The following PNPLA1 variants were observed in gnomAD, a reference collection of about 807,000 sequenced individuals.
PNPLA1 encodes omega-hydroxyceramide transacylase.
In PNPLA1, 36 loss-of-function variants were observed where a neutral mutation model predicts 51.7. The ratio of observed to expected loss-of-function variants is 0.70; its 90% confidence interval spans 0.53 to 0.92. PNPLA1 has a LOEUF of 0.92. Ranked by LOEUF, PNPLA1 falls within the 40% of genes least tolerant of loss-of-function variation. PNPLA1 has a pLI of 0.00. For missense variants in PNPLA1, 658 were observed against 682.5 expected (o/e 0.96, Z 0.40); for synonymous variants, 293 against 280.1 (o/e 1.05, Z -0.46).
intron 5 of PNPLA1, among the ~76,000 whole-genome samples, chr6:36,300,691 C>T (rs181345408): frequency 1.1e-3 from 175 of 152,258 alleles, no homozygotes; most frequent in Admixed American, 2.0e-3. Context: ...TGACCATGAC[C>T]GCCTGGCCGA....
At chr6:36,304,810 T>G (rs185210610) in intron 6 of PNPLA1, among the ~76,000 whole-genome samples, 358 of 151,922 alleles carry the variant, frequency 2.4e-3, no homozygotes, top group Non-Finnish European at 2.9e-3. Flanking sequence ...ATATCGGGGG[T>G]GGATAGAGGG....
At chr6:36,278,453 T>A (rs749070915) in intron 1 of PNPLA1, among the ~76,000 whole-genome samples, 1 of 152,184 alleles carries the variant, frequency 6.6e-6, no homozygotes, top group Non-Finnish European at 1.5e-5. Flanking sequence ...GCTCCCTCAT[T>A]TTGCAGATAA....
chr6:36,303,672 A>C (rs1173274796), intron 6 of PNPLA1, among the ~76,000 whole-genome samples: 2 of 152,156 alleles, frequency 1.3e-5, no homozygotes, highest in Non-Finnish European at 2.9e-5. Context: ...TCTCTACTAA[A>C]TACAAAAAAA....
chr6:36,302,109 C>T lies in PNPLA1; in HGVS notation c.1024C>T (p.Pro342Ser), dbSNP rs138035213. The stretch of plus-strand genomic sequence containing the variant: ...GACACTTGAATTCACATGCGAGTCA[C>T]CTGTTTCAGCACCAGTCTCTCCACT... ...VQTLEFTCESPVSAPVSPLEQ... is the reference protein window; with the variant it reads ...VQTLEFTCESSVSAPVSPLEQ... Residue 342 changes from proline (P) to serine (S), a missense_variant, in exon 6 of 9, where the codon CCT becomes TCT. Coordinates refer to ENST00000636260, the MANE Select transcript of PNPLA1 (RefSeq NM_001374623.1). The T allele has an allele frequency of 6.2e-7, 1 of 1,614,120 alleles. No individual in the cohort carries two copies. The highest frequency in any genetic ancestry group is 8.5e-7 in the Non-Finnish European group (1 of 1,180,050).
Position 36,294,299 on chromosome 6 carries a change from C to G in PNPLA1, c.614C>G (p.Pro205Arg), listed in dbSNP as rs766215523. ...GQQDICPRDC[P>R]AIFHDFRMFN... Reference sequence around the variant, plus strand: ...CAGGACATCTGTCCCCGGGACTGCCCGGCCATCTTCCACGACTTCCGCATG... The same window carrying G: ...CAGGACATCTGTCCCCGGGACTGCCGGGCCATCTTCCACGACTTCCGCATG... Residue 205 changes from proline (P) to arginine (R), a missense_variant, in exon 4 of 9, where the codon CCG becomes CGG. Physicochemically the swap from Pro to Arg is moderately radical, Grantham distance 103. Coordinates refer to ENST00000636260, the MANE Select transcript of PNPLA1 (RefSeq NM_001374623.1). This position sits in a 1 kb window ranked among gnomAD's most constrained non-coding sequence, Gnocchi z 4.2. 7 of 1,614,218 alleles carry G rather than the reference C, an allele frequency of 4.3e-6. No homozygotes were observed. The highest frequency in any genetic ancestry group is 4.2e-6 in the Non-Finnish European group (5 of 1,180,040).
chr6:36,306,389 T>C lies in PNPLA1; in HGVS notation c.1469+13T>C, dbSNP rs1314274801. 4 of 1,601,186 alleles carry C rather than the reference T, an allele frequency of 2.5e-6. No individual in the cohort carries two copies. On this transcript the variant is annotated intron_variant, in intron 7 of 8. Coordinates refer to ENST00000636260, the MANE Select transcript of PNPLA1 (RefSeq NM_001374623.1). ...AGCCTTATGTAACGTAAGTTTCCCC[T>C]TCGTGGAGCACGCTCTTTCCTTTGG...
intron 1 of PNPLA1, among the ~76,000 whole-genome samples, chr6:36,244,931 G>A (rs945231401): frequency 1.1e-4 from 17 of 152,228 alleles, no homozygotes; most frequent in Admixed American, 2.6e-4. Flanking sequence ...GAACTCCAGG[G>A]TGGCTCACAG....
chr6:36,307,840 A>AGC, intron 8 of PNPLA1, 128 bp downstream of exon 8: 1 of 1,223,076 alleles, frequency 8.2e-7, no homozygotes, highest in East Asian at 2.9e-5. Context: ...TGGGCTTTGG[A>AGC]ACAGACACAT....
At position 36,294,412 on chromosome 6, in the gene PNPLA1, AG is replaced by A; in HGVS notation, c.714+17del. On this transcript the variant is annotated intron_variant, in intron 4 of 8. Coordinates refer to ENST00000636260, the MANE Select transcript of PNPLA1 (RefSeq NM_001374623.1). This position sits in a 1 kb window ranked among gnomAD's most constrained non-coding sequence, Gnocchi z 4.2. ...CCCGGACCTGGTGGTGAGAGGCAGG[AG>A]GGGTCTGGGGAGTAGCAGAAGGTAC... 1 of 1,611,840 alleles carries A rather than the reference AG, an allele frequency of 6.2e-7. No homozygotes were observed. Among genetic ancestry groups the A allele is most frequent in the Non-Finnish European group, 8.5e-7 (1 of 1,178,236 alleles).
rs1770345951 is a variant in PNPLA1 at position 36,282,374 on chromosome 6, C to A, written c.206-8946C>A. 2.0e-5 allele frequency among the ~76,000 whole-genome samples: 3 copies of A among 152,344 alleles called. No homozygotes were observed. The South Asian group carries it at 6.2e-4, about 32-fold the overall frequency. On this transcript the variant is annotated intron_variant, in intron 1 of 8. Coordinates refer to ENST00000636260, the MANE Select transcript of PNPLA1 (RefSeq NM_001374623.1). ...TGTAGCTCCCACTACCATGTTGGAACCAGTATCTTCCATCTCACTCAAATG... is the reference window on the plus strand; with the variant it reads ...TGTAGCTCCCACTACCATGTTGGAAACAGTATCTTCCATCTCACTCAAATG...
intron 1 of PNPLA1, among the ~76,000 whole-genome samples, chr6:36,245,453 G>T (rs1769249845): frequency 6.6e-6 from 1 of 152,192 alleles, no homozygotes; most frequent in Non-Finnish European, 1.5e-5. Flanking sequence ...GGGCTAGCTA[G>T]GTGCCTGGAA....
intron 1 of PNPLA1, among the ~76,000 whole-genome samples, chr6:36,271,927 C>T (rs1236733401): frequency 2.6e-5 from 4 of 152,278 alleles, no homozygotes; most frequent in African/African-American, 7.2e-5. Flanking sequence ...GAACGTTCTG[C>T]GCCTCTGTTT....
chr6:36,283,829 T>C (rs1770393849), intron 1 of PNPLA1, among the ~76,000 whole-genome samples: 1 of 152,170 alleles, frequency 6.6e-6, no homozygotes, highest in African/African-American at 2.4e-5. Context: ...TGTTGCATCA[T>C]CCCAGTGTCC....
chr6:36,259,797 C>T (rs531869210), intron 1 of PNPLA1, among the ~76,000 whole-genome samples: 126 of 152,144 alleles, frequency 8.3e-4, no homozygotes, highest in Non-Finnish European at 1.4e-3. Context: ...TACTCAAGCA[C>T]ATAAAGATGC....
intron 1 of PNPLA1, among the ~76,000 whole-genome samples, chr6:36,287,106 T>TC (rs751732008): frequency 4.6e-5 from 7 of 152,240 alleles, no homozygotes; most frequent in Non-Finnish European, 1.0e-4. Context: ...TGGGATGATC[T>TC]CGCCTTCAAG....
At chr6:36,302,583 A>G in intron 6 of PNPLA1, 114 bp downstream of exon 6, 1 of 1,360,568 alleles carries the variant, frequency 7.3e-7, no homozygotes, top group Non-Finnish European at 9.9e-7. Flanking sequence ...TGAAGTTAGC[A>G]GTGAGCTTTA....
At chr6:36,299,260 G>T (rs1403558262) in intron 5 of PNPLA1, among the ~76,000 whole-genome samples, 2 of 150,806 alleles carry the variant, frequency 1.3e-5, no homozygotes, top group Non-Finnish European at 2.9e-5. Flanking sequence ...GTTGTACCAT[G>T]TTTCATTCCC....
rs1561873871 is a variant in PNPLA1, at chr6:36,306,312, T to A, written c.1405T>A (p.Ser469Thr). Residue 469 changes from serine to threonine, a missense_variant, in exon 7 of 9, where the codon TCA becomes ACA. Ser to Thr is a moderately conservative substitution (Grantham distance 58). Transcript: ENST00000636260. Reference sequence around the variant, plus strand: ...TTTAGCTGTAGCTCTTCTTGTCTCTTCAAAACCAAAAAGCGCCGTGCCTCT... The same window carrying A: ...TTTAGCTGTAGCTCTTCTTGTCTCTACAAAACCAAAAAGCGCCGTGCCTCT... The part of the protein sequence containing the change: ...QPQAVALLVS[S>T]KPKSAVPLVH... 1.2e-6 allele frequency: 2 copies of A among 1,613,168 alleles called. No homozygotes were observed. The highest frequency in any genetic ancestry group is 1.7e-4 in the Middle Eastern group (1 of 6,050).
At chr6:36,291,709 A>C (rs908828851) in intron 2 of PNPLA1, among the ~76,000 whole-genome samples, 157 bp downstream of exon 2, 11 of 152,132 alleles carry the variant, frequency 7.2e-5, no homozygotes, top group Admixed American at 6.5e-4. Flanking sequence ...TGCAAGGTGC[A>C]GTGCTAGATG....
Sources: allele counts gnomAD v4.1 joint callset (sites outside exome capture counted in the v4.1 genomes callset), GRCh38; gene constraint gnomAD v4.1.1; non-coding constraint Gnocchi (gnomAD v3.1); transcripts MANE v1.5; gene names NCBI Gene and HGNC (gene_info 2026-07-23, HGNC 2026-07-21).